The following LRSAM1 variants were observed in gnomAD, a reference collection of about 807,000 sequenced individuals.
The protein encoded by LRSAM1 is leucine rich repeat and sterile alpha motif containing 1, also known as E3 ubiquitin-protein ligase LRSAM1.
LRSAM1 carries 96 observed loss-of-function variants against 118.1 expected under a neutral mutation model. The ratio of observed to expected loss-of-function variants is 0.81; its 90% confidence interval spans 0.69 to 0.96. LRSAM1 has a LOEUF of 0.96. Among genes scored for constraint, LRSAM1 ranks in the 40% least tolerant of loss-of-function variants. The pLI, the probability that LRSAM1 is intolerant of heterozygous loss-of-function variation, is 0.00. For synonymous variants in LRSAM1, 322 were observed against 364.2 expected (o/e 0.88, Z 1.32); for missense variants, 804 against 915.5 (o/e 0.88, Z 1.57).
intron 14 of LRSAM1, among the ~76,000 whole-genome samples, chr9:127,480,771 T>G (rs1190353135): frequency 6.6e-6 from 1 of 152,060 alleles, no homozygotes; most frequent in Non-Finnish European, 1.5e-5. Context: ...CACTGCAACC[T>G]CCTTCTCCCA....
At chr9:127,458,970 A>C in intron 6 of LRSAM1, 33 bp from the exon 7 acceptor site, 1 of 1,611,642 alleles carries the variant, frequency 6.2e-7, no homozygotes, top group African/African-American at 1.3e-5. Flanking sequence ...GGACTTTCTC[A>C]CTTGGAGACT....
In LRSAM1 at chr9:127,479,861, G is replaced by T. The variant is rs1835469984; in HGVS notation, c.926G>T (p.Gly309Val). Reference sequence around the variant, plus strand: ...CAGGAGCAGTCCCGGCTGGAGCAGGGCCTGAGTGAGCACCAGCGCCACCTC... The same window carrying T: ...CAGGAGCAGTCCCGGCTGGAGCAGGTCCTGAGTGAGCACCAGCGCCACCTC... Reference protein sequence around the residue: ...VKEEQSRLEQGLSEHQRHLNA... With the variant: ...VKEEQSRLEQVLSEHQRHLNA... The change falls in exon 14 of 26, where the codon GGC becomes GTC. Residue 309 changes from glycine to valine, a missense_variant. Physicochemically the swap from Gly to Val is moderately radical, Grantham distance 109. Coordinates refer to ENST00000300417, the MANE Select transcript of LRSAM1 (RefSeq NM_001005373.4). 6.2e-7 allele frequency: 1 copy of T among 1,612,360 alleles called. No individual in the cohort carries two copies. Among genetic ancestry groups the T allele is most frequent in the East Asian group, 2.2e-5 (1 of 44,842 alleles).
At chr9:127,496,124 A>G in intron 23 of LRSAM1, 29 bp downstream of exon 23, 1 of 1,603,722 alleles carries the variant, frequency 6.2e-7, no homozygotes, top group Non-Finnish European at 8.5e-7. Flanking sequence ...CATGGAGGGG[A>G]GGGGCACGCA....
At chr9:127,456,263 C>T (rs1474375328) in intron 5 of LRSAM1, among the ~76,000 whole-genome samples, 1 of 146,308 alleles carries the variant, frequency 6.8e-6, no homozygotes, top group Admixed American at 6.9e-5. Flanking sequence ...GACGGACGCT[C>T]TGCTCTGTCA....
intron 10 of LRSAM1, among the ~76,000 whole-genome samples, chr9:127,470,486 G>GTA (rs1835126415): frequency 1.3e-5 from 2 of 152,180 alleles, no homozygotes; most frequent in South Asian, 4.1e-4. Flanking sequence ...TTCAGAGATT[G>GTA]AGGTGGGGAC....
At chr9:127,477,093 TA>T (rs921674372) in intron 11 of LRSAM1, among the ~76,000 whole-genome samples, 6 of 152,178 alleles carry the variant, frequency 3.9e-5, no homozygotes, top group Non-Finnish European at 5.9e-5. Context: ...TATACTTGAT[TA>T]AAAAAATGTT....
rs1835919981 is a variant in LRSAM1 at position 127,491,195 on chromosome 9, C to T, written c.1423-20C>T. The T allele has an allele frequency of 1.2e-6, 2 of 1,607,504 alleles. No homozygotes were observed. Among genetic ancestry groups the T allele is most frequent in the Admixed American group, 3.3e-5 (2 of 59,982 alleles). On this transcript the variant is annotated intron_variant, in intron 19 of 25. Transcript: ENST00000300417. ...TGGTTAATGTGAGTAAAAAAAAACC[C>T]TGTCTCGTCTTCTGTTTAGATTAAG...
At chr9:127,487,860 G>A in intron 18 of LRSAM1, 97 bp downstream of exon 18, 1 of 1,006,372 alleles carries the variant, frequency 9.9e-7, no homozygotes, top group Non-Finnish European at 1.5e-6. Flanking sequence ...TTCCTAGACA[G>A]CATGTGGGAC....
In LRSAM1 at chr9:127,465,144, C is replaced by T. The variant is rs1363978363; in HGVS notation, c.529-2596C>T. ...TGCCTGTTTGGCTATGAGGAGACCACAGCCCCAGGACACTAAGGGGCCTGA... is the reference window on the plus strand; with the variant it reads ...TGCCTGTTTGGCTATGAGGAGACCATAGCCCCAGGACACTAAGGGGCCTGA... On this transcript the variant is annotated intron_variant, in intron 9 of 25. Coordinates refer to ENST00000300417, the MANE Select transcript of LRSAM1 (RefSeq NM_001005373.4). This position sits in a 1 kb window ranked among gnomAD's most constrained non-coding sequence, Gnocchi z 4.1. Among the ~76,000 whole-genome samples the T allele has an allele frequency of 6.6e-6, 1 of 152,152 alleles. No homozygotes were observed.
intron 9 of LRSAM1, among the ~76,000 whole-genome samples, chr9:127,462,855 T>A (rs1417286965): frequency 2.1e-5 from 3 of 141,016 alleles, no homozygotes; most frequent in Non-Finnish European, 3.1e-5. Context: ...AAAAAAAAGT[T>A]AAAAAAAAAA....
In LRSAM1 at chr9:127,465,030, T is replaced by G. The variant is rs1834878928; in HGVS notation, c.528+2657T>G. ...GGACAAACCTTCTTTTAGGATGAGA[T>G]AACCGTTCTGAGTTCAGGCCGTACT... On this transcript the variant is annotated intron_variant, in intron 9 of 25. Transcript: ENST00000300417. The surrounding 1 kb of genome is among the most constrained non-coding windows in gnomAD (Gnocchi z 4.1). 1.3e-5 allele frequency among the ~76,000 whole-genome samples: 2 copies of G among 152,102 alleles called. No homozygotes were observed. Among genetic ancestry groups the G allele is most frequent in the Non-Finnish European group, 2.9e-5 (2 of 68,018 alleles).
At chr9:127,462,920 G>A (rs556277432) in intron 9 of LRSAM1, among the ~76,000 whole-genome samples, 2 of 152,126 alleles carry the variant, frequency 1.3e-5, no homozygotes, top group South Asian at 4.1e-4. Context: ...TCTGGGCTGG[G>A]CACCGTGGCT....
At chr9:127,456,408 A>G (rs972083389) in intron 5 of LRSAM1, among the ~76,000 whole-genome samples, 6 of 90,908 alleles carry the variant, frequency 6.6e-5, no homozygotes, top group Non-Finnish European at 1.4e-4. Flanking sequence ...TAATTTTTGT[A>G]TTTTTAGAGA....
At chr9:127,461,293 A>C (rs961952445) in intron 8 of LRSAM1, 36 bp downstream of exon 8, 1 of 1,586,652 alleles carries the variant, frequency 6.3e-7, no homozygotes, top group Non-Finnish European at 8.6e-7. Context: ...GTGACCCTCC[A>C]TCAGCTCTGG....
chr9:127,494,204 G>C (rs574563607), intron 21 of LRSAM1, among the ~76,000 whole-genome samples: 1 of 152,356 alleles, frequency 6.6e-6, no homozygotes, highest in East Asian at 1.9e-4. Flanking sequence ...GCTGCAGCCC[G>C]GGAGGGCCAA....
intron 9 of LRSAM1, among the ~76,000 whole-genome samples, chr9:127,464,457 A>G (rs1048150340): frequency 1.3e-5 from 2 of 152,050 alleles, no homozygotes; most frequent in Non-Finnish European, 2.9e-5. Context: ...GGCCATATGT[A>G]TCTATGGAGC....
chr9:127,479,532 G>T (rs767139754), intron 13 of LRSAM1, 27 bp downstream of exon 13: 8 of 1,612,456 alleles, frequency 5.0e-6, no homozygotes, highest in Admixed American at 1.7e-5. Flanking sequence ...CTAGGGTCCA[G>T]CCTGGCTGCA....
chr9:127,469,827 T>A (rs183796369), intron 10 of LRSAM1, among the ~76,000 whole-genome samples: 1 of 151,860 alleles, frequency 6.6e-6, no homozygotes, highest in Non-Finnish European at 1.5e-5. Context: ...TAGCAAGGCG[T>A]GGTGGCGGGC....
chr9:127,478,910 A>G (rs1275610139), intron 11 of LRSAM1, 24 bp from the exon 12 acceptor site: 1 of 1,613,694 alleles, frequency 6.2e-7, no homozygotes, highest in Non-Finnish European at 8.5e-7. Context: ...CCCTCTCTTG[A>G]CCACTGTCTT....
Sources: gnomAD v4.1 joint callset for allele counts (sites outside exome capture counted in the v4.1 genomes callset) on GRCh38, gnomAD v4.1.1 for gene constraint, Gnocchi (gnomAD v3.1) non-coding constraint, MANE v1.5 for transcripts, NCBI Gene and HGNC (gene_info 2026-07-23, HGNC 2026-07-21) for gene names.